Variants in SMARCC2 observed in about 807,000 individuals in gnomAD.
SMARCC2 encodes SWI/SNF complex subunit SMARCC2.
Under a neutral mutation model 151.3 loss-of-function variants are expected in SMARCC2, and 15 were observed. The ratio of observed to expected loss-of-function variants is 0.10; its 90% CI spans 0.07 to 0.15. The LOEUF is 0.15. Among genes scored for constraint, SMARCC2 ranks in the 10% least tolerant of loss-of-function variants. The pLI is 1.00. For synonymous variants in SMARCC2, 590 were observed against 609.5 expected, an observed-to-expected ratio of 0.97 and a Z score of 0.47; for missense variants, 1,031 against 1,599.7, an observed-to-expected ratio of 0.64 and a Z score of 6.06.
chr12:56,174,881 GTAGAT>G, intron 15 of SMARCC2, 117 bp from the exon 16 acceptor site: 1 of 686,252 alleles, frequency 1.5e-6, no homozygotes, highest in South Asian at 1.7e-5. Context: ...ATGGAAAAAA[GTAGAT>G]TATTTGACTC....
chr12:56,173,222 G>T (rs911141975), intron 17 of SMARCC2, among the ~76,000 whole-genome samples, 193 bp from the exon 18 acceptor site: 55 of 152,128 alleles, frequency 3.6e-4, no homozygotes, highest in African/African-American at 1.3e-3. Context: ...ATCTTTATAG[G>T]TTCTCTTAGG....
intron 11 of SMARCC2, 95 bp from the exon 12 acceptor site, chr12:56,179,151 T>C (rs1482566224): frequency 2.8e-6 from 3 of 1,056,122 alleles, no homozygotes; most frequent in Admixed American, 1.9e-5. Context: ...CCAAAAATTG[T>C]CTCCACCTGA....
chr12:56,182,793 A>G (rs1407159562), intron 7 of SMARCC2, among the ~76,000 whole-genome samples: 2 of 136,618 alleles, frequency 1.5e-5, no homozygotes, highest in African/African-American at 6.5e-5. Flanking sequence ...ACCATACTAG[A>G]TGATGTTTTT....
At chr12:56,177,480 C>T (rs1254305683) in intron 15 of SMARCC2, among the ~76,000 whole-genome samples, 1 of 152,080 alleles carries the variant, frequency 6.6e-6, no homozygotes, top group Non-Finnish European at 1.5e-5. Flanking sequence ...CTCCTGGCCT[C>T]AAGGAATCCT....
Position 56,171,962 on chromosome 12 carries a change from C to A in SMARCC2, c.1927-25G>T. ...CCTGGTGGTAGTGGTGGAGACATAA[C>A]TCCGCTTACTTAGCCACTTTTCTCG... On this transcript the variant is annotated intron_variant, in intron 20 of 28. Transcript: ENST00000550164. This position sits in a 1 kb window ranked among gnomAD's most constrained non-coding sequence, Gnocchi z 4.2. 1 of 1,567,458 alleles carries A rather than the reference C, an allele frequency of 6.4e-7. No individual in the cohort carries two copies. Among genetic ancestry groups the A allele is most frequent in the South Asian group, 1.2e-5 (1 of 84,606 alleles).
intron 23 of SMARCC2, 74 bp downstream of exon 23, chr12:56,170,070 G>T: frequency 6.8e-7 from 1 of 1,477,890 alleles, no homozygotes; most frequent in Non-Finnish European, 9.5e-7. Context: ...GCCCACCTAA[G>T]CTGAACAAGG....
At chr12:56,167,627 C>T (rs945412565) in intron 26 of SMARCC2, among the ~76,000 whole-genome samples, 13 of 152,120 alleles carry the variant, frequency 8.5e-5, no homozygotes, top group Non-Finnish European at 8.8e-5. Flanking sequence ...TCATCCGTTA[C>T]GCCCATTCAC....
At chr12:56,172,856 T>C in intron 18 of SMARCC2, 81 bp downstream of exon 18, 3 of 1,572,350 alleles carry the variant, frequency 1.9e-6, no homozygotes, top group South Asian at 2.2e-5. Context: ...GTTCCTCTGC[T>C]CTCATGTCTC....
At chr12:56,173,083 G>A in intron 17 of SMARCC2, 54 bp from the exon 18 acceptor site, 1 of 1,533,116 alleles carries the variant, frequency 6.5e-7, no homozygotes, top group Non-Finnish European at 9.0e-7. Context: ...ACCAGGCCAA[G>A]GCCCTGGAGG....
chr12:56,173,532 G>A (rs1346600604), intron 17 of SMARCC2, among the ~76,000 whole-genome samples, 164 bp downstream of exon 17: 1 of 152,168 alleles, frequency 6.6e-6, no homozygotes, highest in Non-Finnish European at 1.5e-5. Flanking sequence ...GGCTGAGAGA[G>A]GATGCTAAAC....
chr12:56,181,696 T>A lies in SMARCC2; in HGVS notation c.840+8A>T. The A allele has an allele frequency of 6.2e-7, 1 of 1,614,170 alleles. No individual in the cohort carries two copies. Among genetic ancestry groups the A allele is most frequent in the Non-Finnish European group, 8.5e-7 (1 of 1,180,034 alleles). On this transcript the variant is annotated splice_region_variant and intron_variant, in intron 9 of 28. Coordinates refer to ENST00000550164, the MANE Select transcript of SMARCC2 (RefSeq NM_001330288.2). ...GGGCGCCAGGAAAAAAAGAACAGGA[T>A]TTGTCACCTCATCTGTCAGTGTCTT... is the stretch of plus-strand genomic sequence containing the variant.
intron 10 of SMARCC2, 57 bp downstream of exon 10, chr12:56,181,425 C>A (rs375807258): frequency 1.8e-6 from 2 of 1,115,784 alleles, no homozygotes. Context: ...TCTTTCCTTC[C>A]TTCAACATGA....
At chr12:56,180,439 T>G (rs933420074) in intron 11 of SMARCC2, among the ~76,000 whole-genome samples, 2 of 139,846 alleles carry the variant, frequency 1.4e-5, no homozygotes, top group African/African-American at 5.4e-5. Flanking sequence ...GTTTTGCTCT[T>G]GTCGCCCAGG....
At chr12:56,188,423 G>A (rs1301644836) in intron 1 of SMARCC2, among the ~76,000 whole-genome samples, 2 of 152,178 alleles carry the variant, frequency 1.3e-5, no homozygotes, top group Non-Finnish European at 2.9e-5. Context: ...GAAGAACTGG[G>A]GAGCTGAAAG....
rs758234568 is a variant in SMARCC2, at chr12:56,178,484, T to C, written c.1230A>G (p.Pro410=). ...TGNKGEQTKN[P]DLHEDNVTEQ... ...CAGTCACATTGTCCTCATGCAGGTCTGGATTCTTGGTCTGCTCTCCCTTGT... is the reference window on the plus strand; with the variant it reads ...CAGTCACATTGTCCTCATGCAGGTCCGGATTCTTGGTCTGCTCTCCCTTGT... The change falls in exon 14 of 29, where the codon CCA becomes CCG. Residue 410 remains proline (P), a synonymous_variant. Coordinates refer to ENST00000550164, the MANE Select transcript of SMARCC2 (RefSeq NM_001330288.2). The C allele has an allele frequency of 1.9e-6, 3 of 1,614,052 alleles. No homozygotes were observed. In the South Asian group the frequency reaches 3.3e-5, roughly 18 times the overall value.
chr12:56,165,884 T>G (rs922485239), intron 26 of SMARCC2, among the ~76,000 whole-genome samples, 185 bp from the exon 27 acceptor site: 6 of 152,196 alleles, frequency 3.9e-5, no homozygotes, highest in African/African-American at 1.4e-4. Flanking sequence ...CCCATGACCT[T>G]TATGTCTCCT....
chr12:56,188,977 C>T (rs1592333901), intron 1 of SMARCC2, among the ~76,000 whole-genome samples: 2 of 152,112 alleles, frequency 1.3e-5, no homozygotes, highest in South Asian at 2.1e-4. Flanking sequence ...CTCTGGCGGG[C>T]ACGCTCCGGG....
intron 1 of SMARCC2, among the ~76,000 whole-genome samples, chr12:56,188,488 A>G (rs2135768678): frequency 6.6e-6 from 1 of 152,306 alleles, no homozygotes; most frequent in South Asian, 2.1e-4. Context: ...GAGGCAGACC[A>G]TTTCCAGAGA....
chr12:56,172,850 C>G, intron 18 of SMARCC2, 87 bp downstream of exon 18: 3 of 1,568,754 alleles, frequency 1.9e-6, no homozygotes, highest in East Asian at 2.2e-5. Context: ...GCTGTAGTTC[C>G]TCTGCTCTCA....
Sources: allele counts gnomAD v4.1 joint callset (sites outside exome capture counted in the v4.1 genomes callset), GRCh38; gene constraint gnomAD v4.1.1; non-coding constraint Gnocchi (gnomAD v3.1); transcripts MANE v1.5; gene names NCBI Gene and HGNC (gene_info 2026-07-23, HGNC 2026-07-21).